Variants in PRKD1 observed in about 807,000 individuals in gnomAD.
The protein encoded by PRKD1 is protein kinase D1, also known as serine/threonine-protein kinase D1.
PRKD1 carries 63 observed loss-of-function variants against 95.9 expected under a neutral mutation model. The ratio of observed to expected loss-of-function variants is 0.66; its 90% CI spans 0.54 to 0.81. The LOEUF is 0.81. Ranked by LOEUF, PRKD1 falls within the 30% of genes least tolerant of loss-of-function variation. PRKD1 has a pLI of 0.00. For synonymous variants in PRKD1, 425 were observed against 423.1 expected (o/e 1.00, Z -0.05); for missense variants, 1,048 against 1,165.3 (o/e 0.90, Z 1.47).
At chr14:29,638,599 G>A (rs1306444317) in intron 5 of PRKD1, 33 bp from the exon 6 acceptor site, 9 of 1,613,066 alleles carry the variant, frequency 5.6e-6, no homozygotes, top group Non-Finnish European at 6.8e-6. Flanking sequence ...AAAACAAAAT[G>A]AGAATTTGTC....
rs562743873 is a variant in PRKD1 at position 29,595,510 on chromosome 14, A to G, written c.2434+1981T>C. On this transcript the variant is annotated intron_variant, in intron 16 of 17. Transcript: ENST00000331968. The stretch of plus-strand genomic sequence containing the variant: ...TCTGTCCTCTACTTTTGTATTACCT[A>G]CTGTGTATGTATATTGTGATTTCCC... Among the ~76,000 whole-genome samples, 4 of 152,280 alleles carry G rather than the reference A, an allele frequency of 2.6e-5. No individual in the cohort carries two copies. The East Asian group carries it at 5.8e-4, about 22-fold the overall frequency.
chr14:29,893,370 A>C (rs1894006633), intron 1 of PRKD1, among the ~76,000 whole-genome samples: 1 of 150,332 alleles, frequency 6.7e-6, no homozygotes, highest in Non-Finnish European at 1.5e-5. Flanking sequence ...ATTTATTTCT[A>C]AAATAAAAAG....
In PRKD1 at chr14:29,582,027, AT is replaced by A. The variant is rs879487839; in HGVS notation, c.2435-3668del. Among the ~76,000 whole-genome samples the A allele has an allele frequency of 8.9e-4, 133 of 148,788 alleles. 1 individual carries two copies. In the East Asian group the frequency reaches 0.023, roughly 25 times the overall value. Reference sequence around the variant, plus strand: ...TCTTCTCCAAAGGCTATTTTAGGCTATTTTTTTTTTCAAATGCTTTATCATT... The same window carrying A: ...TCTTCTCCAAAGGCTATTTTAGGCTATTTTTTTTTCAAATGCTTTATCATT... On this transcript the variant is annotated intron_variant, in intron 16 of 17. Transcript: ENST00000331968.
intron 1 of PRKD1, among the ~76,000 whole-genome samples, chr14:29,800,181 A>C (rs147159136): frequency 2.9e-4 from 44 of 152,312 alleles, no homozygotes; most frequent in Non-Finnish European, 5.6e-4. Flanking sequence ...ACAGGAACTA[A>C]CCCACCCTGT....
At chr14:29,774,723 G>A (rs941989263) in intron 1 of PRKD1, among the ~76,000 whole-genome samples, 1 of 149,148 alleles carries the variant, frequency 6.7e-6, no homozygotes, top group Non-Finnish European at 1.5e-5. Flanking sequence ...TAAAGAGGAG[G>A]AAACTATGCT....
intron 1 of PRKD1, among the ~76,000 whole-genome samples, chr14:29,775,068 G>T (rs571081889): frequency 3.9e-5 from 6 of 152,180 alleles, no homozygotes; most frequent in African/African-American, 1.4e-4. Flanking sequence ...TGTATCGAGG[G>T]TTCCTAGTTG....
chr14:29,788,644 G>C (rs1043933280), intron 1 of PRKD1, among the ~76,000 whole-genome samples: 1 of 152,000 alleles, frequency 6.6e-6, no homozygotes, highest in Non-Finnish European at 1.5e-5. Context: ...TATTTCAAAA[G>C]ACCTGTCTTC....
intron 13 of PRKD1, among the ~76,000 whole-genome samples, chr14:29,608,647 G>C (rs7154182): frequency 0.92 from 140,106 of 152,082 alleles, 65,031 homozygotes; most frequent in Non-Finnish European, 0.98. Context: ...ATAATTATTT[G>C]CTATCATGGG....
chr14:29,778,476 A>T (rs1412176201), intron 1 of PRKD1, among the ~76,000 whole-genome samples: 2 of 152,230 alleles, frequency 1.3e-5, no homozygotes, highest in African/African-American at 2.4e-5. Flanking sequence ...ATCCCACAGA[A>T]ATACAAACTA....
chr14:29,705,641 C>T (rs1223513506), intron 2 of PRKD1, among the ~76,000 whole-genome samples: 8 of 151,926 alleles, frequency 5.3e-5, no homozygotes, highest in Non-Finnish European at 8.8e-5. Context: ...CACATTCTTC[C>T]CTCCCTCAAG....
chr14:29,885,918 G>C (rs11845674), intron 1 of PRKD1, among the ~76,000 whole-genome samples: 1,548 of 151,726 alleles, frequency 0.01, 22 homozygotes, highest in African/African-American at 0.036. Flanking sequence ...AGGGAGCTAA[G>C]ATCGTACCAC....
chr14:29,626,380 T>C (rs1594373588), intron 12 of PRKD1, 104 bp downstream of exon 12: 1 of 898,654 alleles, frequency 1.1e-6, no homozygotes. Flanking sequence ...CAGAAATATA[T>C]ACACATAGGT....
chr14:29,922,193 T>A (rs1323807439), intron 1 of PRKD1, among the ~76,000 whole-genome samples: 1 of 150,618 alleles, frequency 6.6e-6, no homozygotes, highest in Non-Finnish European at 1.5e-5. Context: ...CCCAGCTACT[T>A]GGAAGGCTGA....
chr14:29,910,240 G>A (rs1016020185), intron 1 of PRKD1, among the ~76,000 whole-genome samples: 1 of 152,078 alleles, frequency 6.6e-6, no homozygotes, highest in African/African-American at 2.4e-5. Flanking sequence ...CGGATGGGAG[G>A]AACGAACAAC....
chr14:29,725,428 G>T, intron 2 of PRKD1, 108 bp downstream of exon 2: 1 of 1,328,580 alleles, frequency 7.5e-7, no homozygotes. Flanking sequence ...TTCTCTTGGA[G>T]CTGAGTTTGA....
At chr14:29,895,012 A>G (rs1894071475) in intron 1 of PRKD1, among the ~76,000 whole-genome samples, 1 of 152,168 alleles carries the variant, frequency 6.6e-6, no homozygotes, top group Admixed American at 6.5e-5. Flanking sequence ...TGAGAACTGG[A>G]TACTCTCTAG....
At chr14:29,922,280 A>G (rs1037802307) in intron 1 of PRKD1, among the ~76,000 whole-genome samples, 2 of 150,832 alleles carry the variant, frequency 1.3e-5, no homozygotes, top group South Asian at 2.1e-4. Flanking sequence ...CAGCCTGGGC[A>G]ACAGAGCGAG....
At chr14:29,808,277 G>T (rs1379825398) in intron 1 of PRKD1, among the ~76,000 whole-genome samples, 2 of 137,528 alleles carry the variant, frequency 1.5e-5, no homozygotes, top group African/African-American at 5.5e-5. Context: ...TCTATCAAAA[G>T]AAATGACTTT....
chr14:29,681,866 T>C (rs1883558167), intron 2 of PRKD1, among the ~76,000 whole-genome samples: 1 of 152,188 alleles, frequency 6.6e-6, no homozygotes, highest in Non-Finnish European at 1.5e-5. Flanking sequence ...AGAATTCACA[T>C]ACTTAATGGT....
Sources: allele counts gnomAD v4.1 joint callset (sites outside exome capture counted in the v4.1 genomes callset), GRCh38; gene constraint gnomAD v4.1.1; transcripts MANE v1.5; gene names NCBI Gene and HGNC (gene_info 2026-07-23, HGNC 2026-07-21).